The following ADGRV1 variants were observed in gnomAD, a reference collection of about 807,000 sequenced individuals.
ADGRV1 encodes the protein G-protein coupled receptor 98.
Under a neutral mutation model 596.2 loss-of-function variants are expected in ADGRV1, and 359 were observed. That is an observed-to-expected ratio of 0.60 (90% CI 0.55 to 0.66). The LOEUF (loss-of-function observed/expected upper bound fraction) is 0.66. Ranked by LOEUF, ADGRV1 falls within the 30% of genes least tolerant of loss-of-function variation. The pLI is 0.00. For synonymous variants in ADGRV1, 2,681 were observed against 2,679.2 expected (o/e 1.00, Z -0.02); for missense variants, 7,274 against 7,575.6 (o/e 0.96, Z 1.48).
At chr5:90,676,270 G>C in intron 25 of ADGRV1, 61 bp downstream of exon 25, 1 of 1,496,640 alleles carries the variant, frequency 6.7e-7, no homozygotes, top group Non-Finnish European at 9.1e-7. Context: ...GATGAAAGTA[G>C]ATTCCTTTAG....
chr5:90,793,482 T>C (rs1394055749), intron 70 of ADGRV1, among the ~76,000 whole-genome samples: 1 of 152,186 alleles, frequency 6.6e-6, no homozygotes, highest in Non-Finnish European at 1.5e-5. Flanking sequence ...AGATATTGTA[T>C]TGTTTTACTA....
chr5:90,985,383 C>T lies in ADGRV1; in HGVS notation c.18013C>T (p.His6005Tyr), dbSNP rs1482170854. Residue 6005 changes from histidine to tyrosine, a missense_variant, in exon 85 of 90, where the codon CAC (histidine) becomes TAC (tyrosine). Coordinates refer to ENST00000405460, the MANE Select transcript of ADGRV1 (RefSeq NM_032119.4). ...GTACGTGCTGGTGATGAATGATGAG[C>T]ACACAGAGAGGCGATATCTGCTGTT... ...FWYVLVMNDE[H>Y]TERRYLLFFL... 3.1e-6 allele frequency: 5 copies of T among 1,613,398 alleles called. No individual in the cohort carries two copies. In the South Asian group the frequency reaches 5.5e-5, roughly 18 times the overall value.
At chr5:90,801,465 G>C (rs138110746) in intron 70 of ADGRV1, among the ~76,000 whole-genome samples, 2 of 151,898 alleles carry the variant, frequency 1.3e-5, no homozygotes, top group African/African-American at 4.8e-5. Context: ...GACTTTCATG[G>C]GGGGAGGGGT....
intron 85 of ADGRV1, among the ~76,000 whole-genome samples, chr5:90,999,471 A>G (rs1450845945): frequency 6.6e-6 from 1 of 151,958 alleles, no homozygotes; most frequent in Non-Finnish European, 1.5e-5. Flanking sequence ...AAGATTAATG[A>G]TTACTTTTTA....
intron 42 of ADGRV1, 21 bp from the exon 43 acceptor site, chr5:90,716,446 T>A (rs1433860908): frequency 6.6e-7 from 1 of 1,518,260 alleles, no homozygotes; most frequent in Admixed American, 2.0e-5. Context: ...ATTTGTTGCT[T>A]TAATATTTTT....
chr5:90,752,840 T>C lies in ADGRV1; in HGVS notation c.11122-734T>C, dbSNP rs561502044. ...ATAGACTGAATAGAGCTTTTGAATT[T>C]ATATTCTCCATTGCCTTTTCCAGGT... On this transcript the variant is annotated intron_variant, in intron 53 of 89. Transcript: ENST00000405460. Among the ~76,000 whole-genome samples, 200 of 152,336 alleles carry C rather than the reference T, an allele frequency of 1.3e-3. 2 individuals are homozygous for C. Among genetic ancestry groups the C allele is most frequent in the African/African-American group, 4.6e-3 (191 of 41,578 alleles).
intron 67 of ADGRV1, among the ~76,000 whole-genome samples, chr5:90,787,837 C>T (rs886821049): frequency 2.6e-5 from 4 of 151,702 alleles, no homozygotes; most frequent in African/African-American, 4.8e-5. Context: ...GTGATCTGCC[C>T]GCCTCGGCCT....
chr5:90,642,238 G>A (rs1767061096), intron 11 of ADGRV1, among the ~76,000 whole-genome samples: 1 of 152,020 alleles, frequency 6.6e-6, no homozygotes, highest in Admixed American at 6.6e-5. Context: ...ATGTAAAATT[G>A]AAACACAATT....
chr5:90,627,669 T>A lies in ADGRV1; in HGVS notation c.1131T>A (p.Ser377=), dbSNP rs200435877. ...LQGDAVLISP[S]VVQVTIKPND... is the part of the protein sequence containing the mutation. ...GAGATGCTGTGCTAATAAGCCCTTC[T>A]GTTGTACAAGTCACCATTAAGCCAA... The change falls in exon 7 of 90, where the codon TCT becomes TCA. Residue 377 remains serine (S), a synonymous_variant. Transcript: ENST00000405460. 1.2e-6 allele frequency: 2 copies of A among 1,613,730 alleles called. No individual in the cohort carries two copies. The highest frequency in any genetic ancestry group is 1.7e-6 in the Non-Finnish European group (2 of 1,179,776).
intron 22 of ADGRV1, 121 bp downstream of exon 22, chr5:90,672,843 G>T (rs143938603): frequency 2.3e-5 from 16 of 691,178 alleles, no homozygotes; most frequent in Middle Eastern, 2.7e-4. Flanking sequence ...ATTTACAACT[G>T]TAACTGATAC....
chr5:90,794,202 T>G (rs1760403554), intron 70 of ADGRV1, among the ~76,000 whole-genome samples: 1 of 152,178 alleles, frequency 6.6e-6, no homozygotes, highest in East Asian at 1.9e-4. Flanking sequence ...GTGCTGTGGC[T>G]TCTAACCTGC....
At chr5:90,667,985 G>A (rs892564425) in intron 21 of ADGRV1, among the ~76,000 whole-genome samples, 4 of 151,882 alleles carry the variant, frequency 2.6e-5, no homozygotes, top group South Asian at 2.1e-4. Context: ...CTCCAGCTGC[G>A]TACTGGGAGA....
chr5:90,656,959 A>C (rs1015701559), intron 20 of ADGRV1, among the ~76,000 whole-genome samples: 3 of 152,110 alleles, frequency 2.0e-5, no homozygotes, highest in African/African-American at 7.2e-5. Context: ...CTGAGAAGAA[A>C]TATTTCTATT....
In ADGRV1 at chr5:90,643,989, T is replaced by C. The variant is rs773944807; in HGVS notation, c.2734+6T>C. The C allele has an allele frequency of 1.3e-6, 2 of 1,553,104 alleles. No homozygotes were observed. Among genetic ancestry groups the C allele is most frequent in the Non-Finnish European group, 1.8e-6 (2 of 1,137,780 alleles). On this transcript the variant is annotated splice_donor_region_variant and intron_variant, in intron 14 of 89. Transcript: ENST00000405460. ...AGGAGATGCTATCTATAGTGGTAATTTATTCTGTGTCTTATATTGTATTTC... is the reference window on the plus strand; with the variant it reads ...AGGAGATGCTATCTATAGTGGTAATCTATTCTGTGTCTTATATTGTATTTC...
rs1318217019 is a variant in ADGRV1, at chr5:90,625,075, C to T, written c.559-55C>T. The T allele has an allele frequency of 2.9e-6, 3 of 1,017,824 alleles. No homozygotes were observed. In the Admixed American group the frequency reaches 6.1e-5, roughly 21 times the overall value. 63.0% of individuals were successfully genotyped at this position (1,017,824 alleles called of 1,614,324 possible). On this transcript the variant is annotated intron_variant, in intron 5 of 89. Coordinates refer to ENST00000405460, the MANE Select transcript of ADGRV1 (RefSeq NM_032119.4). ...TCAGCTGACATCACAATGATGCTTTCTCAGTCTTGTGAAGTATTTTGCATT... is the reference window on the plus strand; with the variant it reads ...TCAGCTGACATCACAATGATGCTTTTTCAGTCTTGTGAAGTATTTTGCATT...
intron 70 of ADGRV1, among the ~76,000 whole-genome samples, chr5:90,793,639 C>A (rs1249019155): frequency 6.6e-6 from 1 of 152,130 alleles, no homozygotes; most frequent in African/African-American, 2.4e-5. Flanking sequence ...TGGTAGTGCA[C>A]TTTTCATTTC....
chr5:90,638,034 C>A, intron 11 of ADGRV1, 86 bp downstream of exon 11: 1 of 942,460 alleles, frequency 1.1e-6, no homozygotes, highest in Non-Finnish European at 1.5e-6. Flanking sequence ...TCTTTTTTTT[C>A]TATATAAAGT....
chr5:90,972,416 A>G (rs1581674347), intron 84 of ADGRV1, among the ~76,000 whole-genome samples: 1 of 152,200 alleles, frequency 6.6e-6, no homozygotes, highest in African/African-American at 2.4e-5. Context: ...TCAGCACCAC[A>G]TCGCACTTAT....
In ADGRV1 at chr5:90,840,614, A is replaced by C; in HGVS notation, c.16648A>C (p.Ile5550Leu). 1 of 1,612,664 alleles carries C rather than the reference A, an allele frequency of 6.2e-7. No homozygotes were observed. Among genetic ancestry groups the C allele is most frequent in the Non-Finnish European group, 8.5e-7 (1 of 1,178,882 alleles). The change falls in exon 78 of 90, where the codon ATA becomes CTA. Residue 5550 changes from isoleucine to leucine, a missense_variant. This residue lies in a region of ADGRV1 where 1,874 missense variants were observed against 1,970.2 expected (regional missense o/e 0.95). Coordinates refer to ENST00000405460, the MANE Select transcript of ADGRV1 (RefSeq NM_032119.4). ...TGCTGAAACAATTGGTCGTACCATC[A>C]TATCTCCAGCTATTTCTGGAAAGGA... ...RSAETIGRTI[I>L]SPAISGKDFV... is the part of the protein sequence containing the mutation.
Sources: allele counts gnomAD v4.1 joint callset (sites outside exome capture counted in the v4.1 genomes callset), GRCh38; gene constraint gnomAD v4.1.1; regional missense constraint gnomAD v4.1.1; transcripts MANE v1.5; gene names NCBI Gene and HGNC (gene_info 2026-07-23, HGNC 2026-07-21).